Variants in PPP5C observed in about 807,000 individuals in gnomAD.
PPP5C encodes the protein protein phosphatase 5 catalytic subunit.
Under a neutral mutation model 66.7 loss-of-function variants are expected in PPP5C, and 21 were observed. The ratio of observed to expected loss-of-function variants is 0.31; its 90% CI spans 0.22 to 0.45. PPP5C has a LOEUF of 0.45. Among genes scored for constraint, PPP5C ranks in the 20% least tolerant of loss-of-function variants. The pLI is 1.00. For synonymous variants in PPP5C, 246 were observed against 257.4 expected (o/e 0.96, Z 0.43); for missense variants, 464 against 675.9 (o/e 0.69, Z 3.48).
At chr19:46,355,239 G>T (rs1462434451) in intron 2 of PPP5C, among the ~76,000 whole-genome samples, 2 of 152,094 alleles carry the variant, frequency 1.3e-5, no homozygotes, top group East Asian at 3.9e-4. Context: ...TGCAGCAGGG[G>T]GCTTGGTCAG....
At chr19:46,389,362 A>AACACACACACACACACACACAC (rs57181889) in intron 11 of PPP5C, among the ~76,000 whole-genome samples, 1 of 98,060 alleles carries the variant, frequency 1.0e-5, no homozygotes, top group Admixed American at 1.1e-4. Flanking sequence ...TCCATCTCAA[A>AACACACACACACACACACACAC]ACACACACAC....
chr19:46,390,322 G>T lies in PPP5C; in HGVS notation c.1476G>T (p.Thr492=). ...PNVKPMAYAN[T]LLQLGMM ...TCAAGCCCATGGCCTATGCCAACAC[G>T]CTGCTGCAGCTAGGAATGATGTGAG... Residue 492 remains threonine, a synonymous_variant, in exon 13 of 13, where the codon ACG becomes ACT. Coordinates refer to ENST00000012443, the MANE Select transcript of PPP5C (RefSeq NM_006247.4). 1 of 1,583,152 alleles carries T rather than the reference G, an allele frequency of 6.3e-7. No homozygotes were observed. Among genetic ancestry groups the T allele is most frequent in the Non-Finnish European group, 8.6e-7 (1 of 1,164,526 alleles).
In PPP5C at chr19:46,390,645, T is replaced by C. The variant is rs1973004171; in HGVS notation, c.*299T>C. On this transcript the variant is annotated 3_prime_UTR_variant, in exon 13 of 13. Coordinates refer to ENST00000012443, the MANE Select transcript of PPP5C (RefSeq NM_006247.4). ...GTGGGGTGGGGCCGAGTGGCTGCCCTGCCCCCCTCATTTGCATGGCTCCTC... is the reference window on the plus strand; with the variant it reads ...GTGGGGTGGGGCCGAGTGGCTGCCCCGCCCCCCTCATTTGCATGGCTCCTC... 1 of 1,280,124 alleles carries C rather than the reference T, an allele frequency of 7.8e-7. No individual in the cohort carries two copies. The highest frequency in any genetic ancestry group is 3.6e-5 in the East Asian group (1 of 27,482). 79.3% of individuals were successfully genotyped at this position (1,280,124 alleles called of 1,614,324 possible).
rs768031633 is a variant in PPP5C, at chr19:46,383,485, T to C, written c.699+9T>C. ...AAACCACACTCAAAGAGGTGCGCGT[T>C]GTGGGGCAGTGCGGGGAGGGCCAGC... is the stretch of plus-strand genomic sequence containing the variant. On this transcript the variant is annotated intron_variant, in intron 5 of 12. Transcript: ENST00000012443. This position sits in a 1 kb window ranked among gnomAD's most constrained non-coding sequence, Gnocchi z 5.0. 2 of 1,596,808 alleles carry C rather than the reference T, an allele frequency of 1.3e-6. No individual in the cohort carries two copies. Among genetic ancestry groups the C allele is most frequent in the South Asian group, 1.1e-5 (1 of 89,596 alleles).
intron 6 of PPP5C, among the ~76,000 whole-genome samples, chr19:46,384,209 G>T (rs576646344): frequency 5.9e-5 from 9 of 152,320 alleles, no homozygotes; most frequent in Admixed American, 5.2e-4. Context: ...TCCTGGCTTT[G>T]CCACTTCCCA....
rs574561252 is a variant in PPP5C, at chr19:46,383,332, A to G, written c.634-79A>G. On this transcript the variant is annotated intron_variant, in intron 4 of 12. Transcript: ENST00000012443. This position sits in a 1 kb window ranked among gnomAD's most constrained non-coding sequence, Gnocchi z 5.0. ...CTCGCCCTCAGCCCAGCAGCGTCTC[A>G]TGGGCAGTCCAGGCTTTCGGGGCCA... 2.6e-6 allele frequency: 4 copies of G among 1,568,388 alleles called. No homozygotes were observed. In the South Asian group the frequency reaches 3.5e-5, roughly 14 times the overall value.
chr19:46,377,134 G>A (rs138175574), intron 4 of PPP5C, among the ~76,000 whole-genome samples: 1 of 152,324 alleles, frequency 6.6e-6, no homozygotes, highest in East Asian at 1.9e-4. Context: ...TGGTTATGAG[G>A]ATGCGGGACT....
chr19:46,387,441 C>T lies in PPP5C; in HGVS notation c.1123C>T (p.Pro375Ser). The part of the protein sequence containing the change: ...DIRKIERNRQ[P>S]PDSGPMCDLL... ...CCGGAAAATTGAGCGGAATCGACAA[C>T]CCCCAGATTCAGGTGAGCAGCGCGG... The change falls in exon 9 of 13, where the codon CCC (proline) becomes TCC (serine). Residue 375 changes from proline (P) to serine (S), a missense_variant. Physicochemically the swap from Pro to Ser is moderately conservative, Grantham distance 74. Around this residue, in one of 2 missense-constraint regions of PPP5C, gnomAD observed 387 missense variants for 626.0 expected, o/e 0.62. Coordinates refer to ENST00000012443, the MANE Select transcript of PPP5C (RefSeq NM_006247.4). The T allele has an allele frequency of 6.2e-7, 1 of 1,613,848 alleles. No homozygotes were observed. The highest frequency in any genetic ancestry group is 8.5e-7 in the Non-Finnish European group (1 of 1,179,728).
rs117097868 is a variant in PPP5C, at chr19:46,356,114, G to A, written c.363+2125G>A. Among the ~76,000 whole-genome samples, 31 of 152,342 alleles carry A rather than the reference G, an allele frequency of 2.0e-4. No homozygotes were observed. In the East Asian group the frequency reaches 3.7e-3, roughly 18 times the overall value. ...TTCAGCCATCTTGTGGGTGTGCCAC[G>A]TCTGAGCTGTGTCCCAGGCCTGGCG... is the stretch of plus-strand genomic sequence containing the variant. On this transcript the variant is annotated intron_variant, in intron 2 of 12. Coordinates refer to ENST00000012443, the MANE Select transcript of PPP5C (RefSeq NM_006247.4).
intron 11 of PPP5C, among the ~76,000 whole-genome samples, chr19:46,389,463 T>TCACA: frequency 8.9e-6 from 1 of 111,734 alleles, no homozygotes; most frequent in South Asian, 2.7e-4. Flanking sequence ...ACACACACAG[T>TCACA]GTTGATCCCT....
At chr19:46,380,042 T>C (rs1451564705) in intron 4 of PPP5C, among the ~76,000 whole-genome samples, 1 of 152,210 alleles carries the variant, frequency 6.6e-6, no homozygotes, top group East Asian at 1.9e-4. Flanking sequence ...CAGTGGCTCA[T>C]GCCTGTAATC....
In PPP5C at chr19:46,353,813, A is replaced by G; in HGVS notation, c.187A>G (p.Ile63Val). Residue 63 changes from isoleucine (I) to valine (V), a missense_variant, in exon 2 of 13, where the codon ATC (isoleucine) becomes GTC (valine). Transcript: ENST00000012443. ...CATCGAGCTGAACCCCAGCAATGCC[A>G]TCTACTATGGCAACCGCAGCCTGGC... ...QAIELNPSNA[I>V]YYGNRSLAYL... is the part of the protein sequence containing the mutation. 4 of 1,613,976 alleles carry G rather than the reference A, an allele frequency of 2.5e-6. No homozygotes were observed. Among genetic ancestry groups the G allele is most frequent in the Non-Finnish European group, 3.4e-6 (4 of 1,179,978 alleles).
Position 46,390,498 on chromosome 19 carries a change from A to G in PPP5C, c.*152A>G, listed in dbSNP as rs1350551761. 2.7e-6 allele frequency: 4 copies of G among 1,463,110 alleles called. No individual in the cohort carries two copies. The highest frequency in any genetic ancestry group is 2.7e-6 in the Non-Finnish European group (3 of 1,104,068). The allele number at this position is 1,463,110 out of a possible 1,614,324, so 90.6% of individuals were successfully genotyped here. A position where few individuals can be genotyped will look rare whatever the true frequency, so the allele number is the denominator to read the frequency against. The stretch of plus-strand genomic sequence containing the variant: ...TATTTATTCCCCTTTAGGTTTGCAG[A>G]GGGGGTAGGGGCAGAGTCAGGGGCT... On this transcript the variant is annotated 3_prime_UTR_variant, in exon 13 of 13. Coordinates refer to ENST00000012443, the MANE Select transcript of PPP5C (RefSeq NM_006247.4).
At chr19:46,368,257 C>T (rs1045748597) in intron 2 of PPP5C, among the ~76,000 whole-genome samples, 10 of 152,230 alleles carry the variant, frequency 6.6e-5, no homozygotes, top group Admixed American at 1.3e-4. Flanking sequence ...AGGGGATTAT[C>T]GTAAGCTTCA....
At chr19:46,350,273 A>G (rs889723461) in intron 1 of PPP5C, among the ~76,000 whole-genome samples, 3 of 152,142 alleles carry the variant, frequency 2.0e-5, no homozygotes, top group Non-Finnish European at 2.9e-5. Context: ...TGAAGTGACT[A>G]CCGGGCTTTG....
intron 3 of PPP5C, among the ~76,000 whole-genome samples, chr19:46,375,979 C>T (rs1601434915): frequency 6.6e-6 from 1 of 152,302 alleles, no homozygotes; most frequent in Non-Finnish European, 1.5e-5. Context: ...TGCCATTTCA[C>T]GGGCCCTTCC....
intron 2 of PPP5C, among the ~76,000 whole-genome samples, chr19:46,367,775 G>A (rs983824952): frequency 2.0e-5 from 3 of 152,202 alleles, no homozygotes; most frequent in Admixed American, 6.5e-5. Flanking sequence ...CTCAGCTGCT[G>A]AAGGCAAGAT....
chr19:46,388,829 G>C lies in PPP5C; in HGVS notation c.1355+98G>C. Reference sequence around the variant, plus strand: ...TTTATGATGGAACATTTCAAAGACAGGCAAGAGCAGATAAAAGAACATGAC... The same window carrying C: ...TTTATGATGGAACATTTCAAAGACACGCAAGAGCAGATAAAAGAACATGAC... On this transcript the variant is annotated intron_variant, in intron 11 of 12. Transcript: ENST00000012443. The surrounding 1 kb of genome is among the most constrained non-coding windows in gnomAD (Gnocchi z 4.9). 4 of 1,439,570 alleles carry C rather than the reference G, an allele frequency of 2.8e-6. No homozygotes were observed. The highest frequency in any genetic ancestry group is 3.8e-6 in the Non-Finnish European group (4 of 1,055,472). 89.2% of individuals were successfully genotyped at this position (1,439,570 alleles called of 1,614,324 possible).
intron 2 of PPP5C, among the ~76,000 whole-genome samples, chr19:46,374,455 T>TG (rs1393535848): frequency 6.6e-6 from 1 of 152,036 alleles, no homozygotes; most frequent in East Asian, 1.9e-4. Context: ...GGGGTCTACG[T>TG]GACTAAACAG....
Sources: gnomAD v4.1 joint callset for allele counts (sites outside exome capture counted in the v4.1 genomes callset) on GRCh38, gnomAD v4.1.1 for gene constraint, gnomAD v4.1.1 regional missense constraint, Gnocchi (gnomAD v3.1) non-coding constraint, MANE v1.5 for transcripts, NCBI Gene and HGNC (gene_info 2026-07-23, HGNC 2026-07-21) for gene names.